The following ETFDH variants were observed in gnomAD, a reference collection of about 807,000 sequenced individuals.
ETFDH encodes electron transfer flavoprotein dehydrogenase, also known as electron transfer flavoprotein-ubiquinone oxidoreductase, mitochondrial.
A neutral mutation model predicts 73.2 loss-of-function variants in ETFDH; 61 were observed. The ratio of observed to expected loss-of-function variants is 0.83; its 90% confidence interval spans 0.68 to 1.03. The LOEUF is 1.03. ETFDH is among the 50% of genes least tolerant of loss of function. The pLI is 0.00. For missense variants in ETFDH, 685 were observed against 745.0 expected, an observed-to-expected ratio of 0.92 and a Z score of 0.94; for synonymous variants, 243 against 253.3, an observed-to-expected ratio of 0.96 and a Z score of 0.39.
intron 10 of ETFDH, among the ~76,000 whole-genome samples, chr4:158,705,770 T>C (rs1774593000): frequency 6.6e-6 from 1 of 152,216 alleles, no homozygotes; most frequent in Non-Finnish European, 1.5e-5. Context: ...TGGACCATGT[T>C]TTAAAAAATT....
At chr4:158,700,572 G>GCACACACACA (rs70962624) in intron 9 of ETFDH, 1 of 145,610 alleles carries the variant, frequency 6.9e-6, no homozygotes, top group Non-Finnish European at 1.5e-5. Flanking sequence ...ACACACACAC[G>GCACACACACA]CACACACACA....
chr4:158,678,698 A>G (rs1773771655), intron 1 of ETFDH, among the ~76,000 whole-genome samples: 1 of 146,756 alleles, frequency 6.8e-6, no homozygotes, highest in Admixed American at 6.9e-5. Context: ...CCCAGGTTGG[A>G]GTACAGTGAC....
chr4:158,677,562 G>T (rs2150302995), intron 1 of ETFDH, among the ~76,000 whole-genome samples: 1 of 152,330 alleles, frequency 6.6e-6, no homozygotes, highest in Non-Finnish European at 1.5e-5. Flanking sequence ...AGACAGCTTT[G>T]CAGGGCCAAT....
At chr4:158,691,591 G>A (rs191641339) in intron 6 of ETFDH, among the ~76,000 whole-genome samples, 1 of 152,236 alleles carries the variant, frequency 6.6e-6, no homozygotes, top group East Asian at 1.9e-4. Flanking sequence ...CCAAATTGCT[G>A]GGATTACAGG....
At chr4:158,701,639 A>G (rs1774465007) in intron 9 of ETFDH, among the ~76,000 whole-genome samples, 1 of 152,210 alleles carries the variant, frequency 6.6e-6, no homozygotes, top group Admixed American at 6.5e-5. Context: ...TGGTGTCAAT[A>G]GTTTTCTTGT....
chr4:158,689,212 CAAAT>C (rs1429996222), intron 5 of ETFDH, among the ~76,000 whole-genome samples: 2 of 152,058 alleles, frequency 1.3e-5, no homozygotes, highest in African/African-American at 2.4e-5. Flanking sequence ...GTTTGTAAGT[CAAAT>C]AAAACACGTA....
chr4:158,686,752 AG>A (rs1774015285), intron 5 of ETFDH, among the ~76,000 whole-genome samples: 1 of 152,162 alleles, frequency 6.6e-6, no homozygotes, highest in African/African-American at 2.4e-5. Flanking sequence ...GGAGAAGGTA[AG>A]AAAGACCTTG....
intron 3 of ETFDH, among the ~76,000 whole-genome samples, chr4:158,683,131 A>G (rs1773907233): frequency 6.6e-6 from 1 of 152,224 alleles, no homozygotes; most frequent in African/African-American, 2.4e-5. Context: ...AATTTTCTGA[A>G]GAAACATATT....
intron 9 of ETFDH, among the ~76,000 whole-genome samples, chr4:158,702,467 C>G (rs985105842): frequency 1.3e-5 from 2 of 152,176 alleles, no homozygotes; most frequent in Non-Finnish European, 2.9e-5. Context: ...CCCCACGCCC[C>G]GCATCCCTTT....
At chr4:158,684,474 GA>G (rs1773948350) in intron 3 of ETFDH, 117 bp from the exon 4 acceptor site, 4 of 614,674 alleles carry the variant, frequency 6.5e-6, no homozygotes, top group Non-Finnish European at 1.2e-5. Context: ...AATGCCAAAA[GA>G]AAATTAGGGG....
chr4:158,674,990 GTTTTC>G (rs1270146751), intron 1 of ETFDH, among the ~76,000 whole-genome samples: 1 of 151,846 alleles, frequency 6.6e-6, no homozygotes, highest in Non-Finnish European at 1.5e-5. Context: ...AAAATTACCT[GTTTTC>G]TTCATAATAT....
chr4:158,696,647 A>C (rs1300110994), intron 7 of ETFDH, among the ~76,000 whole-genome samples: 1 of 152,238 alleles, frequency 6.6e-6, no homozygotes, highest in Non-Finnish European at 1.5e-5. Context: ...GTCTGATTGC[A>C]CATAATATTA....
chr4:158,697,059 T>A (rs147427730), intron 7 of ETFDH, among the ~76,000 whole-genome samples: 1,771 of 152,254 alleles, frequency 0.012, 27 homozygotes, highest in African/African-American at 0.038. Context: ...ATTTTCTTTG[T>A]TATTCAAGGT....
At chr4:158,697,874 C>T (rs796130863) in intron 8 of ETFDH, among the ~76,000 whole-genome samples, 175 bp downstream of exon 8, 6 of 152,300 alleles carry the variant, frequency 3.9e-5, no homozygotes, top group African/African-American at 1.2e-4. Context: ...ACTAAACACA[C>T]GTAGCAATAG....
At chr4:158,706,534 G>C in intron 11 of ETFDH, 95 bp from the exon 12 acceptor site, 3 of 1,151,910 alleles carry the variant, frequency 2.6e-6, no homozygotes, top group Non-Finnish European at 3.9e-6. Flanking sequence ...TATTTCTTTG[G>C]TGTGATAATA....
intron 2 of ETFDH, chr4:158,681,896 T>G (rs1773868119): frequency 5.0e-6 from 2 of 396,090 alleles, no homozygotes; most frequent in Non-Finnish European, 9.3e-6. Flanking sequence ...CAGAAAGCAT[T>G]TCTGTCATTA....
chr4:158,690,861 G>C (rs1002256601), intron 6 of ETFDH, among the ~76,000 whole-genome samples: 3 of 151,796 alleles, frequency 2.0e-5, no homozygotes, highest in African/African-American at 7.3e-5. Flanking sequence ...AAATTAGCCA[G>C]TCTTATAACC....
chr4:158,676,438 C>T (rs1773713375), intron 1 of ETFDH, among the ~76,000 whole-genome samples: 1 of 152,192 alleles, frequency 6.6e-6, no homozygotes, highest in Admixed American at 6.5e-5. Context: ...AATCTTGCCA[C>T]CTCCAGCTGC....
At chr4:158,699,805 T>C (rs777622534) in intron 9 of ETFDH, among the ~76,000 whole-genome samples, 2 of 152,232 alleles carry the variant, frequency 1.3e-5, no homozygotes, top group African/African-American at 2.4e-5. Flanking sequence ...ACCTTAATTG[T>C]CCTATTTTTG....
Sources: allele counts gnomAD v4.1 joint callset (sites outside exome capture counted in the v4.1 genomes callset), GRCh38; gene constraint gnomAD v4.1.1; transcripts MANE v1.5; gene names NCBI Gene and HGNC (gene_info 2026-07-23, HGNC 2026-07-21).